NXPH1: variants seen among roughly 807,000 people sequenced by gnomAD.
NXPH1 encodes the protein neurexophilin-1.
In NXPH1, 5 loss-of-function variants were observed where a neutral mutation model predicts 23.7. The observed-to-expected ratio is 0.21, with a 90% CI of 0.11 to 0.44. The LOEUF (loss-of-function observed/expected upper bound fraction) is 0.44, where lower values mean the gene tolerates loss of function less well. Ranked by LOEUF, NXPH1 falls within the 20% of genes least tolerant of loss-of-function variation. The probability of loss-of-function intolerance (pLI) is 0.99; values close to 1 mark genes in which losing one functional copy is unlikely to be tolerated. For missense variants in NXPH1, 324 were observed against 321.6 expected (o/e 1.01, Z -0.06); for synonymous variants, 144 against 122.2 (o/e 1.18, Z -1.18).
intron 2 of NXPH1, among the ~76,000 whole-genome samples, chr7:8,672,404 G>A (rs1229154912): frequency 1.8e-4 from 27 of 151,762 alleles, no homozygotes; most frequent in Non-Finnish European, 3.1e-4. Context: ...ACACCAGTAT[G>A]GCACATGTAT....
chr7:8,596,742 G>T (rs933476252), intron 2 of NXPH1, among the ~76,000 whole-genome samples: 2 of 152,076 alleles, frequency 1.3e-5, no homozygotes, highest in African/African-American at 4.8e-5. Context: ...ACTTGCCCAG[G>T]TCATGCAGTT....
At chr7:8,655,216 C>T (rs1820554552) in intron 2 of NXPH1, among the ~76,000 whole-genome samples, 1 of 152,106 alleles carries the variant, frequency 6.6e-6, no homozygotes, top group Non-Finnish European at 1.5e-5. Context: ...AAAACCTTTT[C>T]TCTACCAAAA....
chr7:8,634,675 T>G (rs1311195011), intron 2 of NXPH1, among the ~76,000 whole-genome samples: 14 of 142,690 alleles, frequency 9.8e-5, no homozygotes, highest in African/African-American at 3.2e-4. Context: ...GTTTTTTTTT[T>G]TTTTTTTTTT....
At chr7:8,736,330 C>G (rs1385048293) in intron 2 of NXPH1, among the ~76,000 whole-genome samples, 2 of 152,106 alleles carry the variant, frequency 1.3e-5, no homozygotes, top group Non-Finnish European at 2.9e-5. Flanking sequence ...TATGTTGTGT[C>G]TTTGTTCTCA....
At chr7:8,691,629 C>T (rs929398722) in intron 2 of NXPH1, among the ~76,000 whole-genome samples, 7 of 151,952 alleles carry the variant, frequency 4.6e-5, no homozygotes, top group South Asian at 2.1e-4. Flanking sequence ...CTGAAACTGC[C>T]GTATAAAGGT....
chr7:8,586,542 C>T (rs74845497), intron 2 of NXPH1, among the ~76,000 whole-genome samples: 304 of 150,906 alleles, frequency 2.0e-3, no homozygotes, highest in African/African-American at 7.1e-3. Context: ...AAGAGTAGAG[C>T]CAAATAGCCA....
Position 8,434,267 on chromosome 7 carries a change from ACTT to A in NXPH1, c.-597_-595del, listed in dbSNP as rs1816149546. The stretch of plus-strand genomic sequence containing the variant: ...CGAAAGGCCAGTGTCTTATCTCTCC[ACTT>A]CAAGTCCAGAGGACTTGCTCAGTCT... On this transcript the variant is annotated 5_prime_UTR_variant, in exon 1 of 3. Transcript: ENST00000405863. The surrounding 1 kb of genome is among the most constrained non-coding windows in gnomAD (Gnocchi z 7.6). 1 of 151,996 alleles carries A rather than the reference ACTT, an allele frequency of 6.6e-6. No individual in the cohort carries two copies. The highest frequency in any genetic ancestry group is 2.4e-5 in the African/African-American group (1 of 41,060). The allele number at this position is 151,996 out of a possible 1,614,324, so 9.4% of individuals were successfully genotyped here. A position where few individuals can be genotyped will look rare whatever the true frequency, so the allele number is the denominator to read the frequency against.
chr7:8,623,270 G>A (rs1241703586), intron 2 of NXPH1, among the ~76,000 whole-genome samples: 1 of 151,964 alleles, frequency 6.6e-6, no homozygotes, highest in Admixed American at 6.6e-5. Context: ...TAGAGACAAA[G>A]GTTCATTTGT....
intron 2 of NXPH1, among the ~76,000 whole-genome samples, chr7:8,654,175 A>C (rs915079944): frequency 3.3e-5 from 5 of 152,192 alleles, no homozygotes; most frequent in Admixed American, 2.6e-4. Context: ...TCTTAAGAAA[A>C]TTCAGAATTA....
chr7:8,507,973 G>A (rs745644212), intron 2 of NXPH1, among the ~76,000 whole-genome samples: 1 of 152,054 alleles, frequency 6.6e-6, no homozygotes, highest in Non-Finnish European at 1.5e-5. Context: ...ATAAAATCAG[G>A]AACACCCTTT....
At chr7:8,590,532 G>A (rs1024319414) in intron 2 of NXPH1, among the ~76,000 whole-genome samples, 4 of 152,034 alleles carry the variant, frequency 2.6e-5, no homozygotes, top group Admixed American at 1.3e-4. Context: ...CTGCCTTACC[G>A]CAAGAATGTG....
At chr7:8,697,110 A>T (rs1397327296) in intron 2 of NXPH1, among the ~76,000 whole-genome samples, 1 of 143,406 alleles carries the variant, frequency 7.0e-6, no homozygotes, top group East Asian at 2.3e-4. Context: ...GTGAGCTGAG[A>T]TTGTGCCACT....
chr7:8,626,403 A>T (rs1336180745), intron 2 of NXPH1, among the ~76,000 whole-genome samples: 2 of 147,332 alleles, frequency 1.4e-5, no homozygotes, highest in East Asian at 2.0e-4. Context: ...TTTTTTTGGC[A>T]ACTTCAAATA....
rs1820145007 is a variant in NXPH1, at chr7:8,632,137, A to G, written c.55-118871A>G. Among the ~76,000 whole-genome samples the G allele has an allele frequency of 3.3e-5, 5 of 152,224 alleles. No individual in the cohort carries two copies. The South Asian group carries it at 1.0e-3, about 32-fold the overall frequency. ...GCTGTGGTAACTTGAAAATTGCCATATACTTCCTTTTCTCTCCAGGGGCTG... is the reference window on the plus strand; with the variant it reads ...GCTGTGGTAACTTGAAAATTGCCATGTACTTCCTTTTCTCTCCAGGGGCTG... On this transcript the variant is annotated intron_variant, in intron 2 of 2. Coordinates refer to ENST00000405863, the MANE Select transcript of NXPH1 (RefSeq NM_152745.3).
intron 2 of NXPH1, among the ~76,000 whole-genome samples, chr7:8,610,671 T>C (rs1157126518): frequency 6.6e-6 from 1 of 152,076 alleles, no homozygotes; most frequent in African/African-American, 2.4e-5. Flanking sequence ...ACAACTGGTT[T>C]CTATTTTCTT....
At chr7:8,668,916 G>A (rs1274168965) in intron 2 of NXPH1, among the ~76,000 whole-genome samples, 6 of 151,678 alleles carry the variant, frequency 4.0e-5, no homozygotes, top group African/African-American at 9.7e-5. Flanking sequence ...AGCCAGATTC[G>A]ACTCTGGATC....
chr7:8,695,762 C>T (rs1236852185), intron 2 of NXPH1, among the ~76,000 whole-genome samples: 1 of 152,156 alleles, frequency 6.6e-6, no homozygotes, highest in East Asian at 1.9e-4. Flanking sequence ...AAATAGCCTA[C>T]AAATGTTAAG....
chr7:8,664,976 C>A (rs975419642), intron 2 of NXPH1, among the ~76,000 whole-genome samples: 6 of 151,888 alleles, frequency 4.0e-5, no homozygotes, highest in African/African-American at 1.4e-4. Flanking sequence ...CATAGGTTAT[C>A]TCTTCACTCT....
chr7:8,548,705 C>T (rs1415032188), intron 2 of NXPH1, among the ~76,000 whole-genome samples: 1 of 151,508 alleles, frequency 6.6e-6, no homozygotes, highest in Non-Finnish European at 1.5e-5. Context: ...AGCTTTGCTG[C>T]TTACTATGGG....
Sources: gnomAD v4.1 joint callset for allele counts (sites outside exome capture counted in the v4.1 genomes callset) on GRCh38, gnomAD v4.1.1 for gene constraint, Gnocchi (gnomAD v3.1) non-coding constraint, MANE v1.5 for transcripts, NCBI Gene and HGNC (gene_info 2026-07-23, HGNC 2026-07-21) for gene names.